SLC26A7: variants seen among roughly 807,000 people sequenced by gnomAD.
The protein encoded by SLC26A7 is solute carrier family 26 member 7.
In SLC26A7, 59 loss-of-function variants were observed where a neutral mutation model predicts 82.5. That is an observed-to-expected ratio of 0.72 (90% CI 0.58 to 0.89). The LOEUF (loss-of-function observed/expected upper bound fraction) is 0.89. Ranked by LOEUF, SLC26A7 falls within the 40% of genes least tolerant of loss-of-function variation. SLC26A7 has a pLI of 0.00. For synonymous variants in SLC26A7, 271 were observed against 274.3 expected (o/e 0.99, Z 0.12); for missense variants, 820 against 793.0 (o/e 1.03, Z -0.41).
chr8:91,366,847 G>T, intron 14 of SLC26A7, 130 bp downstream of exon 14: 1 of 983,172 alleles, frequency 1.0e-6, no homozygotes, highest in South Asian at 1.9e-5. Context: ...CAAAACCTAT[G>T]ATTATTTGAT....
rs189169562 is a variant in SLC26A7 at position 91,296,029 on chromosome 8, G to A, written c.477+326G>A. ...CCTGTGTCCACACAGTGACTAGGTC[G>A]TCACTGTAAGGGAATGTTATAGGAA... On this transcript the variant is annotated intron_variant, in intron 4 of 18. Coordinates refer to ENST00000276609, the MANE Select transcript of SLC26A7 (RefSeq NM_052832.4). Among the ~76,000 whole-genome samples the A allele has an allele frequency of 2.2e-4, 34 of 152,280 alleles. No homozygotes were observed. In the East Asian group the frequency reaches 4.1e-3, roughly 18 times the overall value.
At position 91,362,432 on chromosome 8, in the gene SLC26A7, T is replaced by A. The variant is rs908589344; in HGVS notation, c.1394T>A (p.Ile465Lys). 1 of 1,613,238 alleles carries A rather than the reference T, an allele frequency of 6.2e-7. No homozygotes were observed. The highest frequency in any genetic ancestry group is 8.5e-7 in the Non-Finnish European group (1 of 1,179,350). The change falls in exon 12 of 19, where the codon ATA becomes AAA. Residue 465 changes from isoleucine (I) to lysine (K), a missense_variant. Coordinates refer to ENST00000276609, the MANE Select transcript of SLC26A7 (RefSeq NM_052832.4). Reference protein sequence around the residue: ...VGLLFGVVCTIAIVIGRFPRA... With the variant: ...VGLLFGVVCTKAIVIGRFPRA... The stretch of plus-strand genomic sequence containing the variant: ...CTGCTGTTTGGTGTTGTTTGTACCA[T>A]AGCTATAGTGATAGGACGCTTCCCA...
At chr8:91,311,219 A>T (rs1812473037) in intron 4 of SLC26A7, among the ~76,000 whole-genome samples, 1 of 152,136 alleles carries the variant, frequency 6.6e-6, no homozygotes, top group African/African-American at 2.4e-5. Context: ...TTCTTTTGCC[A>T]CCCACTTCAG....
intron 2 of SLC26A7, among the ~76,000 whole-genome samples, chr8:91,279,924 T>A (rs1202017854): frequency 6.6e-6 from 1 of 152,202 alleles, no homozygotes; most frequent in Admixed American, 6.5e-5. Context: ...CTTCTATTCA[T>A]GTCCTTTGCC....
Position 91,242,805 on chromosome 8 carries a change from C to T in SLC26A7, c.-33-6814C>T, listed in dbSNP as rs551038256. 9.7e-4 allele frequency among the ~76,000 whole-genome samples: 147 copies of T among 152,244 alleles called. 1 individual carries two copies. The highest frequency in any genetic ancestry group is 3.3e-3 in the African/African-American group (136 of 41,538). On this transcript the variant is annotated intron_variant, in intron 2 of 5. Coordinates refer to the SLC26A7 transcript ENST00000522862. Reference sequence around the variant, plus strand: ...CCCAGTCTATAGTGTTTTGTTATAACGACCTCAGCTCATTAGTACAGATAA... The same window carrying T: ...CCCAGTCTATAGTGTTTTGTTATAATGACCTCAGCTCATTAGTACAGATAA...
At chr8:91,343,546 C>A in intron 9 of SLC26A7, 80 bp downstream of exon 9, 1 of 906,604 alleles carries the variant, frequency 1.1e-6, no homozygotes, top group South Asian at 1.9e-5. Flanking sequence ...GCTAGCTTCT[C>A]TTTAAAGCCC....
At chr8:91,253,394 G>T (rs1810712598) in intron 2 of SLC26A7, among the ~76,000 whole-genome samples, 2 of 151,994 alleles carry the variant, frequency 1.3e-5, no homozygotes, top group Non-Finnish European at 2.9e-5. Flanking sequence ...AAGTAGTCTT[G>T]TTTCATGGGC....
intron 3 of SLC26A7, among the ~76,000 whole-genome samples, chr8:91,292,372 CTAAT>C (rs1323475599): frequency 1.4e-4 from 21 of 151,484 alleles, no homozygotes; most frequent in Admixed American, 1.4e-3. Context: ...GGAAAATAGA[CTAAT>C]TATGTTTTGA....
chr8:91,334,342 A>AT lies in SLC26A7; in HGVS notation c.692dup (p.Leu231PhefsTer15). ...ACATCAAGTCTGTGCGACTGGAAGC[A>AT]TTGCTTTTATCCTTGCTGAGCATTG... On this transcript the variant is annotated frameshift_variant, in exon 6 of 19. Transcript: ENST00000276609. LOFTEE classifies it high-confidence loss of function. 1 of 1,613,284 alleles carries AT rather than the reference A, an allele frequency of 6.2e-7. No individual in the cohort carries two copies. Among genetic ancestry groups the AT allele is most frequent in the South Asian group, 1.1e-5 (1 of 91,018 alleles).
At chr8:91,253,143 A>C (rs543595039) in intron 2 of SLC26A7, among the ~76,000 whole-genome samples, 90 of 152,252 alleles carry the variant, frequency 5.9e-4, no homozygotes, top group African/African-American at 2.1e-3. Context: ...CATATATACA[A>C]AACTGAAGTT....
At chr8:91,251,051 T>C (rs1352320135) in intron 2 of SLC26A7, among the ~76,000 whole-genome samples, 1 of 152,128 alleles carries the variant, frequency 6.6e-6, no homozygotes, top group Non-Finnish European at 1.5e-5. Flanking sequence ...TGATGAATTT[T>C]TTTTTTAACC....
At chr8:91,218,973 T>A in exon 2 of SLC26A7, 1 of 1,550,506 alleles carries the variant, frequency 6.4e-7, no homozygotes, top group Middle Eastern at 1.7e-4. Context: ...AACGTGACCC[T>A]AACCTCTTTG....
intron 2 of SLC26A7, among the ~76,000 whole-genome samples, chr8:91,272,392 A>G (rs769130284): frequency 2.6e-5 from 4 of 152,216 alleles, no homozygotes; most frequent in Non-Finnish European, 4.4e-5. Context: ...GGACCCCTGG[A>G]CACAAAAGCA....
At position 91,289,261 on chromosome 8, in the gene SLC26A7, G is replaced by A. The variant is rs773328381; in HGVS notation, c.304+15G>A. 6 of 1,569,614 alleles carry A rather than the reference G, an allele frequency of 3.8e-6. No individual in the cohort carries two copies. The highest frequency in any genetic ancestry group is 2.2e-5 in the East Asian group (1 of 44,616). On this transcript the variant is annotated intron_variant, in intron 3 of 18. Transcript: ENST00000276609. ...TGTTGCCACAGGTAATAATTCCTAT[G>A]TTTATGCTTCTAATGTTACTCGCAA...
chr8:91,286,246 T>G (rs1811707396), intron 2 of SLC26A7, among the ~76,000 whole-genome samples: 1 of 152,192 alleles, frequency 6.6e-6, no homozygotes, highest in Admixed American at 6.5e-5. Flanking sequence ...AGTTTCACAC[T>G]AAGGGCTTCT....
intron 2 of SLC26A7, among the ~76,000 whole-genome samples, chr8:91,281,826 C>T (rs1009154944): frequency 1.3e-5 from 2 of 152,144 alleles, no homozygotes; most frequent in African/African-American, 4.8e-5. Flanking sequence ...GACTGCATCT[C>T]TCTGGCCACA....
chr8:91,375,524 T>C lies in SLC26A7; in HGVS notation c.1675+5691T>C, dbSNP rs980531056. Among the ~76,000 whole-genome samples, 112 of 152,282 alleles carry C rather than the reference T, an allele frequency of 7.4e-4. 1 individual carries two copies. Among genetic ancestry groups the C allele is most frequent in the African/African-American group, 2.5e-3 (104 of 41,578 alleles). On this transcript the variant is annotated intron_variant, in intron 15 of 18. Coordinates refer to ENST00000276609, the MANE Select transcript of SLC26A7 (RefSeq NM_052832.4). ...ATATAAAATTCTTGGCTGGCATTTT[T>C]TTTTTCTTCAAGAAGGCTAAAAACA...
intron 2 of SLC26A7, among the ~76,000 whole-genome samples, chr8:91,281,522 G>A (rs141738286): frequency 2.5e-3 from 375 of 152,258 alleles, no homozygotes; most frequent in African/African-American, 8.7e-3. Context: ...GTATCCCGGG[G>A]TGTCCTAGAA....
At chr8:91,304,817 T>C (rs79907341) in intron 4 of SLC26A7, among the ~76,000 whole-genome samples, 2,432 of 152,284 alleles carry the variant, frequency 0.016, 194 homozygotes, top group Admixed American at 0.13. Context: ...GCATGTGTCA[T>C]GTGGCAGAAC....
Sources: gnomAD v4.1 joint callset for allele counts (sites outside exome capture counted in the v4.1 genomes callset) on GRCh38, gnomAD v4.1.1 for gene constraint, MANE v1.5 for transcripts, NCBI Gene and HGNC (gene_info 2026-07-23, HGNC 2026-07-21) for gene names.